Variants in PLCL1 observed in about 807,000 individuals in gnomAD.
The protein encoded by PLCL1 is inactive phospholipase C-like protein 1.
PLCL1 carries 41 observed loss-of-function variants against 84.4 expected under a neutral mutation model. That is an observed-to-expected ratio of 0.49 (90% CI 0.38 to 0.63). The LOEUF is 0.63. Among genes scored for constraint, PLCL1 ranks in the 30% least tolerant of loss-of-function variants. The pLI is 0.00. For missense variants in PLCL1, 1,206 were observed against 1,367.8 expected (o/e 0.88, Z 1.87); for synonymous variants, 490 against 488.3 (o/e 1.00, Z -0.05).
In PLCL1 at chr2:198,103,903, T is replaced by C. The variant is rs1693407146; in HGVS notation, c.3072T>C (p.Thr1024=). The change falls in exon 5 of 6, where the codon ACT becomes ACC. Residue 1024 remains threonine (T), a synonymous_variant. Coordinates refer to ENST00000428675, the MANE Select transcript of PLCL1 (RefSeq NM_006226.4). ...GLKGRKLNKA[T]ESFAWNITVL... ...AGGGAAGAAAACTCAACAAAGCAAC[T>C]GAGAGCTTTGCTTGGAACATTACAG... 7 of 1,604,816 alleles carry C rather than the reference T, an allele frequency of 4.4e-6. No individual in the cohort carries two copies. In the East Asian group the frequency reaches 1.6e-4, roughly 36 times the overall value.
At chr2:198,123,631 T>A (rs1166327768) in intron 5 of PLCL1, among the ~76,000 whole-genome samples, 5 of 152,004 alleles carry the variant, frequency 3.3e-5, no homozygotes, top group African/African-American at 1.2e-4. Context: ...CTTCTAGAAT[T>A]GTCAGAAATA....
intron 1 of PLCL1, among the ~76,000 whole-genome samples, chr2:197,829,049 C>G (rs1190779909): frequency 6.6e-6 from 1 of 152,098 alleles, no homozygotes; most frequent in Non-Finnish European, 1.5e-5. Context: ...AGACAAAATG[C>G]AAGGCATGCA....
chr2:197,850,192 A>C (rs1687207746), intron 1 of PLCL1, among the ~76,000 whole-genome samples: 1 of 152,148 alleles, frequency 6.6e-6, no homozygotes, highest in South Asian at 2.1e-4. Context: ...ACAGGATTGA[A>C]TCAGATTTTC....
At chr2:197,955,315 T>G (rs897598332) in intron 1 of PLCL1, among the ~76,000 whole-genome samples, 1 of 152,052 alleles carries the variant, frequency 6.6e-6, no homozygotes, top group Non-Finnish European at 1.5e-5. Flanking sequence ...GTGATGGTCC[T>G]TGACAGTCTG....
At position 198,085,607 on chromosome 2, in the gene PLCL1, C is replaced by T. The variant is rs570450747; in HGVS notation, c.2090C>T (p.Pro697Leu). The part of the protein sequence containing the change: ...QNGGCGYVLR[P>L]SIMRDEVSYF... Reference sequence around the variant, plus strand: ...GGGGGATGTGGTTATGTTCTAAGGCCGTCTATAATGCGAGATGAAGTTTCT... The same window carrying T: ...GGGGGATGTGGTTATGTTCTAAGGCTGTCTATAATGCGAGATGAAGTTTCT... Residue 697 changes from proline (P) to leucine (L), a missense_variant, in exon 2 of 6, where the codon CCG becomes CTG. Transcript: ENST00000428675. This position sits in a 1 kb window ranked among gnomAD's most constrained non-coding sequence, Gnocchi z 5.3. The T allele has an allele frequency of 3.1e-6, 5 of 1,614,010 alleles. No individual in the cohort carries two copies. The African/African-American group carries it at 5.3e-5, about 17-fold the overall frequency.
intron 1 of PLCL1, among the ~76,000 whole-genome samples, chr2:197,829,916 A>G (rs1691020158): frequency 6.6e-6 from 1 of 152,218 alleles, no homozygotes; most frequent in South Asian, 2.1e-4. Context: ...GAAATCTTGT[A>G]ATAATTCATG....
intron 1 of PLCL1, among the ~76,000 whole-genome samples, chr2:198,044,586 A>G (rs772879618): frequency 1.3e-5 from 2 of 152,222 alleles, no homozygotes; most frequent in Non-Finnish European, 2.9e-5. Context: ...CACATAAACC[A>G]AAACCATAGG....
intron 1 of PLCL1, chr2:198,001,922 T>C: frequency 2.4e-6 from 1 of 409,796 alleles, no homozygotes; most frequent in Non-Finnish European, 4.9e-6. Context: ...TAATGACTGA[T>C]GATCTGTCAC....
At chr2:198,082,134 C>T (rs548482082) in intron 1 of PLCL1, among the ~76,000 whole-genome samples, 21 of 152,270 alleles carry the variant, frequency 1.4e-4, no homozygotes, top group Middle Eastern at 3.4e-3. Flanking sequence ...ACCTTTCAAG[C>T]GCTTACAGTT....
At chr2:197,877,254 T>C (rs1488954460) in intron 1 of PLCL1, among the ~76,000 whole-genome samples, 1 of 152,110 alleles carries the variant, frequency 6.6e-6, no homozygotes, top group Non-Finnish European at 1.5e-5. Flanking sequence ...ATGGAGAAAA[T>C]GCCTTAGATC....
chr2:198,078,867 C>T (rs779135929), intron 1 of PLCL1, among the ~76,000 whole-genome samples: 1 of 152,014 alleles, frequency 6.6e-6, no homozygotes, highest in Non-Finnish European at 1.5e-5. Flanking sequence ...TGCATTTTTT[C>T]CCTGTGTGTT....
intron 1 of PLCL1, among the ~76,000 whole-genome samples, chr2:198,066,527 C>T (rs1692323533): frequency 6.6e-6 from 1 of 152,210 alleles, no homozygotes; most frequent in African/African-American, 2.4e-5. Context: ...AACTCTCTTG[C>T]AATCACCAAG....
At chr2:197,946,827 T>C (rs184993664) in intron 1 of PLCL1, among the ~76,000 whole-genome samples, 6 of 152,286 alleles carry the variant, frequency 3.9e-5, no homozygotes, top group East Asian at 1.9e-4. Flanking sequence ...TGTTCAACAT[T>C]TAAAAAGCCT....
chr2:198,117,327 G>GT (rs1216009152), intron 5 of PLCL1, among the ~76,000 whole-genome samples: 6,105 of 93,334 alleles, frequency 0.065, 396 homozygotes, highest in African/African-American at 0.18. Context: ...GTCATTTTCT[G>GT]TTTTTTTTTT....
intron 1 of PLCL1, among the ~76,000 whole-genome samples, chr2:197,996,718 G>T (rs527466110): frequency 6.2e-4 from 94 of 152,024 alleles, no homozygotes; most frequent in Non-Finnish European, 1.3e-3. Context: ...ACAGTTAAAA[G>T]AAAGAAAAAT....
intron 1 of PLCL1, among the ~76,000 whole-genome samples, chr2:197,860,495 T>C (rs1267000205): frequency 6.6e-6 from 1 of 152,120 alleles, no homozygotes. Context: ...CTCCCTCCGG[T>C]AGTGTATAAG....
chr2:197,834,106 C>T (rs571334228), intron 1 of PLCL1, among the ~76,000 whole-genome samples: 6 of 152,098 alleles, frequency 3.9e-5, no homozygotes, highest in African/African-American at 7.2e-5. Flanking sequence ...AAAACTGGCT[C>T]GCCATATGCA....
intron 1 of PLCL1, among the ~76,000 whole-genome samples, chr2:198,067,127 C>CT (rs536395932): frequency 0.033 from 4,438 of 136,488 alleles, 168 homozygotes; most frequent in African/African-American, 0.091. Flanking sequence ...TTGTGGCCCT[C>CT]TTTTTTTTTT....
intron 5 of PLCL1, among the ~76,000 whole-genome samples, chr2:198,108,352 G>A (rs76729724): frequency 0.011 from 1,647 of 151,946 alleles, 14 homozygotes; most frequent in African/African-American, 0.02. Flanking sequence ...TAGAGAGAGG[G>A]AGTGGGAATT....
Sources: gnomAD v4.1 joint callset for allele counts (sites outside exome capture counted in the v4.1 genomes callset) on GRCh38, gnomAD v4.1.1 for gene constraint, Gnocchi (gnomAD v3.1) non-coding constraint, MANE v1.5 for transcripts, NCBI Gene and HGNC (gene_info 2026-07-23, HGNC 2026-07-21) for gene names.